The following EXOSC5 variants were observed in gnomAD, a reference collection of about 807,000 sequenced individuals.
The protein encoded by EXOSC5 is exosome component 5.
In EXOSC5, 15 loss-of-function variants were observed where a neutral mutation model predicts 23.7. The observed-to-expected ratio is 0.63, with a 90% CI of 0.42 to 0.97. The LOEUF is 0.97. Among genes scored for constraint, EXOSC5 ranks in the 50% least tolerant of loss-of-function variants. EXOSC5 has a pLI of 0.00. For synonymous variants in EXOSC5, 143 were observed against 140.9 expected, an observed-to-expected ratio of 1.02 and a Z score of -0.11; for missense variants, 305 against 316.3, an observed-to-expected ratio of 0.96 and a Z score of 0.27.
At chr19:41,395,609 G>A (rs1029666115) in intron 1 of EXOSC5, among the ~76,000 whole-genome samples, 9 of 152,140 alleles carry the variant, frequency 5.9e-5, no homozygotes, top group Non-Finnish European at 1.0e-4. Context: ...TGAAACAGCT[G>A]GTCAGCCCTC....
chr19:41,393,672 G>C (rs1311035171), intron 1 of EXOSC5, among the ~76,000 whole-genome samples: 1 of 151,912 alleles, frequency 6.6e-6, no homozygotes, highest in East Asian at 1.9e-4. Flanking sequence ...CAGTTCTCCT[G>C]CCTCAGCCTA....
At chr19:41,394,440 C>T (rs1303006990) in intron 1 of EXOSC5, among the ~76,000 whole-genome samples, 1 of 151,866 alleles carries the variant, frequency 6.6e-6, no homozygotes, top group Non-Finnish European at 1.5e-5. Flanking sequence ...AATCCCAGCA[C>T]TATGGAGGCC....
chr19:41,392,100 T>C (rs762102558), intron 2 of EXOSC5, 138 bp from the exon 3 acceptor site: 1 of 1,309,130 alleles, frequency 7.6e-7, no homozygotes, highest in Non-Finnish European at 1.0e-6. Context: ...TGATGGAAGA[T>C]TCCAGTGGGA....
chr19:41,388,337 A>C (rs1156263981), intron 4 of EXOSC5, among the ~76,000 whole-genome samples: 1 of 152,234 alleles, frequency 6.6e-6, no homozygotes, highest in Non-Finnish European at 1.5e-5. Context: ...CTTACCAGCT[A>C]GTTTCCATCA....
At chr19:41,387,972 CCA>C (rs1384569110) in intron 4 of EXOSC5, among the ~76,000 whole-genome samples, 2 of 152,124 alleles carry the variant, frequency 1.3e-5, no homozygotes, top group African/African-American at 4.8e-5. Context: ...CCCCTTCCCA[CCA>C]CACACTTGCA....
In EXOSC5 at chr19:41,388,501, G is replaced by C. The variant is rs556142797; in HGVS notation, c.526-898C>G. On this transcript the variant is annotated intron_variant, in intron 4 of 5. Coordinates refer to ENST00000221233, the MANE Select transcript of EXOSC5 (RefSeq NM_020158.4). Reference sequence around the variant, plus strand: ...AAGCAGGACATGCTATGTGCATCCAGAACCAATTGAGATGATGTCTCCAAC... The same window carrying C: ...AAGCAGGACATGCTATGTGCATCCACAACCAATTGAGATGATGTCTCCAAC... Among the ~76,000 whole-genome samples the C allele has an allele frequency of 1.5e-4, 23 of 152,304 alleles. No individual in the cohort carries two copies. In the South Asian group the frequency reaches 4.8e-3, roughly 32 times the overall value.
intron 2 of EXOSC5, among the ~76,000 whole-genome samples, chr19:41,392,576 A>C (rs2039031311): frequency 6.6e-6 from 1 of 151,642 alleles, no homozygotes; most frequent in Non-Finnish European, 1.5e-5. Context: ...AGAGCGAGAC[A>C]CTGTCTCCAA....
At chr19:41,395,509 G>A (rs2039055431) in intron 1 of EXOSC5, among the ~76,000 whole-genome samples, 1 of 152,094 alleles carries the variant, frequency 6.6e-6, no homozygotes, top group African/African-American at 2.4e-5. Context: ...TTCCTTTTCT[G>A]TGACCCCACC....
intron 5 of EXOSC5, 110 bp from the exon 6 acceptor site, chr19:41,386,835 A>T: frequency 1.2e-6 from 1 of 861,070 alleles, no homozygotes. Context: ...ACCTCCCATC[A>T]CTCCCCTGCC....
At position 41,386,518 on chromosome 19, in the gene EXOSC5, T is replaced by C. The variant is rs1251619959; in HGVS notation, c.*115A>G. 2.0e-6 allele frequency: 2 copies of C among 1,021,864 alleles called. No homozygotes were observed. Among genetic ancestry groups the C allele is most frequent in the East Asian group, 5.3e-5 (2 of 37,866 alleles). 63.3% of individuals were successfully genotyped at this position (1,021,864 alleles called of 1,614,324 possible). ...CACAGGAGCCCTGTGGTTACAGAGC[T>C]GCAGGCTCAAGGAGCCCATGGGTCA... On this transcript the variant is annotated 3_prime_UTR_variant, in exon 6 of 6. Coordinates refer to ENST00000221233, the MANE Select transcript of EXOSC5 (RefSeq NM_020158.4).
intron 1 of EXOSC5, among the ~76,000 whole-genome samples, chr19:41,393,849 G>A (rs1473918029): frequency 2.6e-5 from 4 of 152,042 alleles, no homozygotes; most frequent in African/African-American, 4.8e-5. Flanking sequence ...CACTGTGCCC[G>A]GCTGGTATTA....
At chr19:41,390,536 G>A (rs774299249) in intron 3 of EXOSC5, among the ~76,000 whole-genome samples, 1 of 152,250 alleles carries the variant, frequency 6.6e-6, no homozygotes, top group Non-Finnish European at 1.5e-5. Context: ...TAGGGTCAGA[G>A]AGGGGAAGAA....
At chr19:41,391,087 G>A (rs189352393) in intron 3 of EXOSC5, among the ~76,000 whole-genome samples, 2 of 152,106 alleles carry the variant, frequency 1.3e-5, no homozygotes, top group Non-Finnish European at 2.9e-5. Context: ...ATTGCCAGCC[G>A]GGCACAGTAG....
At chr19:41,397,114 G>A (rs1197518232) in intron 1 of EXOSC5, 67 bp downstream of exon 1, 2 of 1,528,608 alleles carry the variant, frequency 1.3e-6, no homozygotes, top group Admixed American at 3.8e-5. Flanking sequence ...TCGTGAGGAG[G>A]TGGGCACTCG....
Position 41,386,464 on chromosome 19 carries a change from C to G in EXOSC5, c.*169G>C, listed in dbSNP as rs1461888101. On this transcript the variant is annotated 3_prime_UTR_variant, in exon 6 of 6. Coordinates refer to ENST00000221233, the MANE Select transcript of EXOSC5 (RefSeq NM_020158.4). ...GCTGGGGGGATCTGTGCCCCCAGGC[C>G]TGGGGGCTGTCACAGGCCAAGGCCT... The G allele has an allele frequency of 1.7e-6, 1 of 588,384 alleles. No individual in the cohort carries two copies. The highest frequency in any genetic ancestry group is 1.9e-5 in the African/African-American group (1 of 53,388). 36.4% of individuals were successfully genotyped at this position (588,384 alleles called of 1,614,324 possible). A position where few individuals can be genotyped will look rare whatever the true frequency, so the allele number is the denominator to read the frequency against.
Position 41,391,837 on chromosome 19 carries a change from A to G in EXOSC5, c.384+4T>C. On this transcript the variant is annotated splice_donor_region_variant and intron_variant, in intron 3 of 5. Coordinates refer to ENST00000221233, the MANE Select transcript of EXOSC5 (RefSeq NM_020158.4). ...TGGAGGAGGAGGCCTGGCAGAAAGGATACAGAGCCGGCATCGCTGACAACC... is the reference window on the plus strand; with the variant it reads ...TGGAGGAGGAGGCCTGGCAGAAAGGGTACAGAGCCGGCATCGCTGACAACC... The G allele has an allele frequency of 6.6e-7, 1 of 1,508,962 alleles. No individual in the cohort carries two copies. Among genetic ancestry groups the G allele is most frequent in the Non-Finnish European group, 8.8e-7 (1 of 1,136,568 alleles). 93.5% of individuals were successfully genotyped at this position (1,508,962 alleles called of 1,614,324 possible). A position where few individuals can be genotyped will look rare whatever the true frequency, so the allele number is the denominator to read the frequency against.
intron 1 of EXOSC5, 62 bp from the exon 2 acceptor site, chr19:41,393,042 G>A: frequency 6.9e-7 from 1 of 1,448,018 alleles, no homozygotes. Flanking sequence ...CCCATTTGTG[G>A]CACTGAGCCT....
chr19:41,387,287 G>A (rs1417950877), intron 5 of EXOSC5, among the ~76,000 whole-genome samples: 2 of 152,160 alleles, frequency 1.3e-5, no homozygotes, highest in African/African-American at 4.8e-5. Context: ...GCCCTCTTCT[G>A]ACTTCAAACT....
At chr19:41,392,280 G>A in intron 2 of EXOSC5, 1 of 362,728 alleles carries the variant, frequency 2.8e-6, no homozygotes, top group Non-Finnish European at 5.0e-6. Flanking sequence ...AGGGTAAAAG[G>A]GTGGAAAAAC....
Sources: allele counts gnomAD v4.1 joint callset (sites outside exome capture counted in the v4.1 genomes callset), GRCh38; gene constraint gnomAD v4.1.1; transcripts MANE v1.5; gene names NCBI Gene and HGNC (gene_info 2026-07-23, HGNC 2026-07-21).